GAS2: variants seen among roughly 807,000 people sequenced by gnomAD.
The protein encoded by GAS2 is growth arrest specific 2, also known as growth arrest-specific protein 2.
In GAS2, 20 loss-of-function variants were observed where a neutral mutation model predicts 37.5. The observed-to-expected ratio is 0.53, with a 90% confidence interval of 0.37 to 0.77. The LOEUF (loss-of-function observed/expected upper bound fraction) is 0.77, where lower values mean the gene tolerates loss of function less well. Among genes scored for constraint, GAS2 ranks in the 30% least tolerant of loss-of-function variants. The pLI is 0.00. For missense variants in GAS2, 336 were observed against 373.4 expected (o/e 0.90, Z 0.82); for synonymous variants, 144 against 132.2 (o/e 1.09, Z -0.61).
chr11:22,772,544 A>AT (rs944415829), intron 7 of GAS2, among the ~76,000 whole-genome samples: 23 of 152,178 alleles, frequency 1.5e-4, no homozygotes, highest in African/African-American at 4.1e-4. Context: ...TTTGGAATAA[A>AT]TTTTTTTTAA....
intron 7 of GAS2, among the ~76,000 whole-genome samples, chr11:22,810,528 C>G (rs906493730): frequency 6.6e-6 from 1 of 152,176 alleles, no homozygotes; most frequent in Admixed American, 6.5e-5. Context: ...ATTTCTCATA[C>G]TCTAAATGAG....
Position 22,767,806 on chromosome 11 carries a change from C to T in GAS2, c.723+11853C>T, listed in dbSNP as rs11026780. On this transcript the variant is annotated intron_variant, in intron 7 of 7. Coordinates refer to ENST00000454584, the MANE Select transcript of GAS2 (RefSeq NM_001143830.3). ...AAGCATGGTGGAAATGCTGCTGTTA[C>T]AAGATTCACTATGATAAATTAGGAT... is the stretch of plus-strand genomic sequence containing the variant. Among the ~76,000 whole-genome samples, 367 of 152,280 alleles carry T rather than the reference C, an allele frequency of 2.4e-3. 11 individuals are homozygous for T. The East Asian group carries it at 0.061, about 25-fold the overall frequency.
intron 7 of GAS2, among the ~76,000 whole-genome samples, chr11:22,810,868 A>C (rs528714456): frequency 6.6e-6 from 1 of 152,288 alleles, no homozygotes; most frequent in Admixed American, 6.5e-5. Flanking sequence ...AACAGATTTT[A>C]TAGGCTCTAT....
At position 22,811,801 on chromosome 11, in the gene GAS2, C is replaced by CT. The variant is rs1857184560; in HGVS notation, c.728dup (p.His244AlafsTer55). The CT allele has an allele frequency of 1.2e-6, 2 of 1,613,800 alleles. No individual in the cohort carries two copies. Among genetic ancestry groups the CT allele is most frequent in the Non-Finnish European group, 8.5e-7 (1 of 1,179,842 alleles). The stretch of plus-strand genomic sequence containing the variant: ...TTTTGATATTTTTTCATTTCAGATG[C>CT]TGCACAACAAACATGTCATGGTCCG... On this transcript the variant is annotated frameshift_variant, in exon 8 of 8. Transcript: ENST00000454584. LOFTEE classifies it high-confidence loss of function.
At chr11:22,702,890 GCTA>G (rs1292743097) in intron 3 of GAS2, among the ~76,000 whole-genome samples, 17 of 152,194 alleles carry the variant, frequency 1.1e-4, no homozygotes, top group African/African-American at 3.9e-4. Flanking sequence ...GATTCCAGAG[GCTA>G]CTACATTTAT....
intron 4 of GAS2, among the ~76,000 whole-genome samples, chr11:22,729,005 T>C (rs991815652): frequency 6.6e-6 from 1 of 151,430 alleles, no homozygotes; most frequent in Non-Finnish European, 1.5e-5. Flanking sequence ...TTTTCACACT[T>C]CACTTTTGAA....
At chr11:22,756,845 C>T (rs932020986) in intron 7 of GAS2, among the ~76,000 whole-genome samples, 11 of 152,082 alleles carry the variant, frequency 7.2e-5, no homozygotes, top group Non-Finnish European at 1.0e-4. Context: ...GACAGATCTG[C>T]GTAGATGGCC....
chr11:22,784,617 C>T (rs1855738033), intron 7 of GAS2, among the ~76,000 whole-genome samples: 1 of 152,122 alleles, frequency 6.6e-6, no homozygotes. Flanking sequence ...CAGCCTTTCC[C>T]CACAAGCAAG....
At chr11:22,677,165 T>G (rs4301790) in intron 2 of GAS2, among the ~76,000 whole-genome samples, 94,808 of 151,744 alleles carry the variant, frequency 0.62, 30,794 homozygotes, top group East Asian at 0.82. Flanking sequence ...CAAGTTGCAA[T>G]TAAAATGTAA....
intron 3 of GAS2, among the ~76,000 whole-genome samples, chr11:22,692,362 G>A (rs1322348947): frequency 6.6e-6 from 1 of 152,162 alleles, no homozygotes; most frequent in East Asian, 1.9e-4. Flanking sequence ...GTGCGCCCAT[G>A]ATACAGCCTC....
At chr11:22,780,008 G>C (rs934076981) in intron 7 of GAS2, among the ~76,000 whole-genome samples, 1 of 152,150 alleles carries the variant, frequency 6.6e-6, no homozygotes, top group South Asian at 2.1e-4. Context: ...CTTAAGAGTT[G>C]ACTCGGAGTT....
intron 7 of GAS2, among the ~76,000 whole-genome samples, chr11:22,801,839 A>T (rs1000104718): frequency 2.0e-5 from 3 of 152,100 alleles, no homozygotes; most frequent in African/African-American, 7.2e-5. Context: ...TAAGCACTCT[A>T]CTATTGTATG....
intron 3 of GAS2, among the ~76,000 whole-genome samples, chr11:22,686,895 G>A (rs1335487033): frequency 2.0e-5 from 3 of 152,066 alleles, no homozygotes; most frequent in East Asian, 1.9e-4. Context: ...ATATTACTCC[G>A]TAAAGTATTG....
At chr11:22,674,497 C>T (rs1251942592) in intron 1 of GAS2, among the ~76,000 whole-genome samples, 1 of 152,156 alleles carries the variant, frequency 6.6e-6, no homozygotes, top group Non-Finnish European at 1.5e-5. Context: ...ATAGCCCAAA[C>T]AATGGGAGTT....
At chr11:22,752,171 A>G (rs1853776194) in intron 6 of GAS2, among the ~76,000 whole-genome samples, 1 of 152,062 alleles carries the variant, frequency 6.6e-6, no homozygotes, top group Non-Finnish European at 1.5e-5. Context: ...TTAGGACTGT[A>G]GTCCTCATGC....
intron 3 of GAS2, among the ~76,000 whole-genome samples, chr11:22,708,977 G>T (rs1392829743): frequency 1.3e-5 from 2 of 152,116 alleles, no homozygotes; most frequent in African/African-American, 4.8e-5. Flanking sequence ...GCAGGCATTG[G>T]AACAAATGCT....
chr11:22,751,780 C>T (rs1853747303), intron 6 of GAS2, among the ~76,000 whole-genome samples: 1 of 151,882 alleles, frequency 6.6e-6, no homozygotes, highest in Admixed American at 6.6e-5. Flanking sequence ...GATAGGAAAA[C>T]TATGAAAAGG....
chr11:22,629,371 G>A (rs1858713636), intron 1 of GAS2, among the ~76,000 whole-genome samples: 1 of 152,038 alleles, frequency 6.6e-6, no homozygotes, highest in South Asian at 2.1e-4. Flanking sequence ...TTCTGGCCAG[G>A]GTAAGGTAGT....
At chr11:22,690,736 G>T (rs944200860) in intron 3 of GAS2, among the ~76,000 whole-genome samples, 1 of 152,130 alleles carries the variant, frequency 6.6e-6, no homozygotes, top group Admixed American at 6.5e-5. Context: ...TATGTCTTTT[G>T]ACTCTCAGCT....
Sources: gnomAD v4.1 joint callset for allele counts (sites outside exome capture counted in the v4.1 genomes callset) on GRCh38, gnomAD v4.1.1 for gene constraint, MANE v1.5 for transcripts, NCBI Gene and HGNC (gene_info 2026-07-23, HGNC 2026-07-21) for gene names.